Variants in ATP12A observed in about 807,000 individuals in gnomAD.
ATP12A encodes the protein ATPase H+/K+ transporting non-gastric alpha2 subunit.
ATP12A carries 81 observed loss-of-function variants against 111.2 expected under a neutral mutation model. That is an observed-to-expected ratio of 0.73 (90% CI 0.61 to 0.88). The LOEUF (loss-of-function observed/expected upper bound fraction) is 0.88. ATP12A is among the 40% of genes least tolerant of loss of function. The pLI is 0.00. For missense variants in ATP12A, 1,196 were observed against 1,313.1 expected (o/e 0.91, Z 1.38); for synonymous variants, 498 against 499.8 (o/e 1.00, Z 0.05).
rs1566069027 is a variant in ATP12A, at chr13:24,685,264, G to A, written c.169-50G>A. On this transcript the variant is annotated intron_variant, in intron 2 of 22. Transcript: ENST00000381946. This position sits in a 1 kb window ranked among gnomAD's most constrained non-coding sequence, Gnocchi z 5.5. ...TGGCTGGTCAAAGCTTGGGGCTTGA[G>A]TCTTTTGGAATTATCTAATTCACTC... 1 of 1,574,540 alleles carries A rather than the reference G, an allele frequency of 6.4e-7. No homozygotes were observed. Among genetic ancestry groups the A allele is most frequent in the African/African-American group, 1.3e-5 (1 of 74,110 alleles).
At position 24,709,477 on chromosome 13, in the gene ATP12A, C is replaced by A; in HGVS notation, c.2607C>A (p.Tyr869Ter). 6.2e-7 allele frequency: 1 copy of A among 1,613,944 alleles called. No homozygotes were observed. The highest frequency in any genetic ancestry group is 1.3e-5 in the African/African-American group (1 of 75,016). The change falls in exon 18 of 23, where the codon TAC (tyrosine) becomes TAA (stop). Residue 869 changes from tyrosine (Y) to a stop codon, truncating the protein, a stop_gained. Coordinates refer to ENST00000381946, the MANE Select transcript of ATP12A (RefSeq NM_001676.7). LOFTEE classifies it high-confidence loss of function. Reference protein sequence around the residue: ...LVNQPLAVYSYLHIGLMQALG... With the variant: ...LVNQPLAVYS ...ACCAGCCGCTCGCTGTGTACTCATACCTGCACATTGGTACGATGAGGGCGC... is the reference window on the plus strand; with the variant it reads ...ACCAGCCGCTCGCTGTGTACTCATAACTGCACATTGGTACGATGAGGGCGC...
In ATP12A at chr13:24,707,266, C is replaced by T. The variant is rs1256823919; in HGVS notation, c.2339-13C>T. On this transcript the variant is annotated splice_polypyrimidine_tract_variant and intron_variant, in intron 16 of 22. Coordinates refer to ENST00000381946, the MANE Select transcript of ATP12A (RefSeq NM_001676.7). ...CTAGAAGTAAGTTCTGAAGGAGAAA[C>T]CTCTCTGCCTAGGTCGCCTGATCTT... The T allele has an allele frequency of 6.2e-7, 1 of 1,614,130 alleles. No individual in the cohort carries two copies. Among genetic ancestry groups the T allele is most frequent in the Non-Finnish European group, 8.5e-7 (1 of 1,179,996 alleles).
intron 19 of ATP12A, among the ~76,000 whole-genome samples, chr13:24,710,247 A>G (rs1226365789): frequency 6.6e-6 from 1 of 152,234 alleles, no homozygotes; most frequent in East Asian, 1.9e-4. Context: ...TGTGTTAGAA[A>G]TAATAGTAAT....
chr13:24,702,485 C>T (rs932419151), intron 14 of ATP12A, among the ~76,000 whole-genome samples: 1 of 152,186 alleles, frequency 6.6e-6, no homozygotes, highest in Admixed American at 6.5e-5. Flanking sequence ...GGGTATTTAT[C>T]CACCCGGTTT....
At chr13:24,709,610 C>A in intron 18 of ATP12A, 73 bp from the exon 19 acceptor site, 1 of 1,595,580 alleles carries the variant, frequency 6.3e-7, no homozygotes. Flanking sequence ...GAGGGGGAAC[C>A]GAGAGTAGAC....
In ATP12A at chr13:24,700,865, TC is replaced by T; in HGVS notation, c.1829del (p.Pro610LeufsTer71). 5.0e-6 allele frequency: 8 copies of T among 1,614,126 alleles called. No individual in the cohort carries two copies. Among genetic ancestry groups the T allele is most frequent in the Non-Finnish European group, 6.8e-6 (8 of 1,180,024 alleles). The part of the protein sequence containing the change: ...CFVGLLSMID[P>X]PRSTVPDAVT... Reference sequence around the variant, plus strand: ...TTGTGGGACTCTTGTCAATGATCGATCCCCCTCGGTCCACCGTGCCAGATGC... The same window carrying T: ...TTGTGGGACTCTTGTCAATGATCGATCCCCTCGGTCCACCGTGCCAGATGC... On this transcript the variant is annotated frameshift_variant, in exon 13 of 23. Coordinates refer to ENST00000381946, the MANE Select transcript of ATP12A (RefSeq NM_001676.7). LOFTEE classifies it high-confidence loss of function.
At chr13:24,686,759 A>T (rs1195497241) in intron 3 of ATP12A, among the ~76,000 whole-genome samples, 1 of 146,710 alleles carries the variant, frequency 6.8e-6, no homozygotes, top group Non-Finnish European at 1.5e-5. Context: ...GGAAAGAAAG[A>T]AAGAAGGAAG....
rs1328624863 is a variant in ATP12A at position 24,691,140 on chromosome 13, C to A, written c.958C>A (p.Leu320Ile). Residue 320 changes from leucine to isoleucine, a missense_variant, in exon 8 of 23, where the codon CTT becomes ATT. Around this residue, in one of 3 missense-constraint regions of ATP12A, gnomAD observed 1,126 missense variants for 1,228.5 expected, o/e 0.92. Coordinates refer to ENST00000381946, the MANE Select transcript of ATP12A (RefSeq NM_001676.7). ...AGGAGTGGCTGTCTCCATCGGCATCCTTTTCTTCATCATCGCTGTGTCCCT... is the reference window on the plus strand; with the variant it reads ...AGGAGTGGCTGTCTCCATCGGCATCATTTTCTTCATCATCGCTGTGTCCCT... ...VAGVAVSIGI[L>I]FFIIAVSLKY... 6 of 1,614,106 alleles carry A rather than the reference C, an allele frequency of 3.7e-6. No homozygotes were observed. The Admixed American group carries it at 8.3e-5, about 22-fold the overall frequency.
chr13:24,691,532 C>T (rs1342507099), intron 8 of ATP12A, among the ~76,000 whole-genome samples: 1 of 152,184 alleles, frequency 6.6e-6, no homozygotes, highest in Non-Finnish European at 1.5e-5. Flanking sequence ...CAGACTCCAC[C>T]ATTCACAGGT....
chr13:24,710,177 G>A (rs1410888040), intron 19 of ATP12A, among the ~76,000 whole-genome samples: 1 of 152,176 alleles, frequency 6.6e-6, no homozygotes, highest in Admixed American at 6.5e-5. Flanking sequence ...GGCTGAGGAG[G>A]GAGAATCACT....
At position 24,688,354 on chromosome 13, in the gene ATP12A, C is replaced by T. The variant is rs1034734271; in HGVS notation, c.264C>T (p.Ala88=). The change falls in exon 4 of 23, where the codon GCC becomes GCT. Residue 88 remains alanine (A), a synonymous_variant. Transcript: ENST00000381946. ...GCACCAGAGCTGCCGAGCTCCTGGCCCGGGATGGGCCCAACTCCCTCACCC... is the reference window on the plus strand; with the variant it reads ...GCACCAGAGCTGCCGAGCTCCTGGCTCGGGATGGGCCCAACTCCCTCACCC... ...LSSTRAAELL[A]RDGPNSLTPP... The T allele has an allele frequency of 7.4e-6, 12 of 1,613,876 alleles. No homozygotes were observed. The highest frequency in any genetic ancestry group is 9.3e-6 in the Non-Finnish European group (11 of 1,179,886).
Position 24,695,509 on chromosome 13 carries a change from G to A in ATP12A, c.1512+931G>A, listed in dbSNP as rs188735404. ...GGGCTTTGCACAACAGTAAAGTATA[G>A]AAATGGAATAACCACAACTGTACGT... is the stretch of plus-strand genomic sequence containing the variant. On this transcript the variant is annotated intron_variant, in intron 11 of 22. Coordinates refer to ENST00000381946, the MANE Select transcript of ATP12A (RefSeq NM_001676.7). 2.9e-3 allele frequency among the ~76,000 whole-genome samples: 432 copies of A among 151,430 alleles called. 1 individual carries two copies. Among genetic ancestry groups the A allele is most frequent in the Non-Finnish European group, 4.5e-3 (305 of 67,856 alleles).
Position 24,706,454 on chromosome 13 carries a change from T to G in ATP12A, c.2160T>G (p.Cys720Trp), listed in dbSNP as rs912557762. The G allele has an allele frequency of 5.6e-6, 9 of 1,613,860 alleles. No homozygotes were observed. The highest frequency in any genetic ancestry group is 7.6e-6 in the Non-Finnish European group (9 of 1,179,826). Residue 720 changes from cysteine (C) to tryptophan (W), a missense_variant, in exon 15 of 23, where the codon TGT (cysteine) becomes TGG (tryptophan). Physicochemically the swap from Cys to Trp is radical, Grantham distance 215. Around this residue, in one of 3 missense-constraint regions of ATP12A, gnomAD observed 1,126 missense variants for 1,228.5 expected, o/e 0.92. Coordinates refer to ENST00000381946, the MANE Select transcript of ATP12A (RefSeq NM_001676.7). ...AGAAGCTGATCATTGTGGAGGGCTG[T>G]CAGAGGCAGGTGGGTGGACAGCAGT... ...PQQKLIIVEG[C>W]QRQDAVVAVT...
In ATP12A at chr13:24,709,664, A is replaced by C; in HGVS notation, c.2618-19A>C. On this transcript the variant is annotated intron_variant, in intron 18 of 22. Coordinates refer to ENST00000381946, the MANE Select transcript of ATP12A (RefSeq NM_001676.7). ...GAGGCCATCATAGAACCTGTGTCCT[A>C]TCTCTCTTGTTCTTTCAGGCCTCAT... 1 of 1,612,846 alleles carries C rather than the reference A, an allele frequency of 6.2e-7. No individual in the cohort carries two copies. Among genetic ancestry groups the C allele is most frequent in the Non-Finnish European group, 8.5e-7 (1 of 1,178,926 alleles).
rs191180275 is a variant in ATP12A at position 24,711,656 on chromosome 13, G to T, written c.*134G>T. 1.6e-4 allele frequency: 193 copies of T among 1,229,836 alleles called. No individual in the cohort carries two copies. In the African/African-American group the frequency reaches 2.6e-3, roughly 17 times the overall value. 76.2% of individuals were successfully genotyped at this position (1,229,836 alleles called of 1,614,324 possible). A position where few individuals can be genotyped will look rare whatever the true frequency, so the allele number is the denominator to read the frequency against. On this transcript the variant is annotated 3_prime_UTR_variant, in exon 23 of 23. Transcript: ENST00000381946. ...ACAAGAGGAAATTTTCATGCAGAAAGCTGTATGCAGGATGCTCACTGATGT... is the reference window on the plus strand; with the variant it reads ...ACAAGAGGAAATTTTCATGCAGAAATCTGTATGCAGGATGCTCACTGATGT...
intron 2 of ATP12A, among the ~76,000 whole-genome samples, chr13:24,684,429 T>C (rs1239382327): frequency 6.6e-6 from 1 of 152,252 alleles, no homozygotes; most frequent in Non-Finnish European, 1.5e-5. Flanking sequence ...AGTATCAATC[T>C]TTGTTTCAGA....
chr13:24,706,657 T>C (rs1235331754), intron 15 of ATP12A, among the ~76,000 whole-genome samples, 194 bp downstream of exon 15: 1 of 152,168 alleles, frequency 6.6e-6, no homozygotes, highest in Admixed American at 6.5e-5. Context: ...CCCCACCACA[T>C]GTTCCCCGAA....
Position 24,691,018 on chromosome 13 carries a change from G to C in ATP12A, c.836G>C (p.Arg279Pro), listed in dbSNP as rs565225438. ...VTGMVINTGD[R>P]TIIGHIASLA... ...GGCATGGTTATCAACACGGGTGACC[G>C]CACCATCATTGGCCATATTGCCTCA... Residue 279 changes from arginine (R) to proline (P), a missense_variant, in exon 8 of 23, where the codon CGC (arginine) becomes CCC (proline). Coordinates refer to ENST00000381946, the MANE Select transcript of ATP12A (RefSeq NM_001676.7). The C allele has an allele frequency of 6.2e-7, 1 of 1,614,190 alleles. No individual in the cohort carries two copies. Among genetic ancestry groups the C allele is most frequent in the Non-Finnish European group, 8.5e-7 (1 of 1,180,028 alleles).
chr13:24,702,628 A>G (rs1231018739), intron 14 of ATP12A, among the ~76,000 whole-genome samples: 3 of 152,138 alleles, frequency 2.0e-5, no homozygotes, highest in Non-Finnish European at 1.5e-5. Context: ...TCTTTTAATC[A>G]TGTTCATCCA....
Sources: allele counts gnomAD v4.1 joint callset (sites outside exome capture counted in the v4.1 genomes callset), GRCh38; gene constraint gnomAD v4.1.1; regional missense constraint gnomAD v4.1.1; non-coding constraint Gnocchi (gnomAD v3.1); transcripts MANE v1.5; gene names NCBI Gene and HGNC (gene_info 2026-07-23, HGNC 2026-07-21).